CNTNAP2: variants seen among roughly 807,000 people sequenced by gnomAD.
The protein encoded by CNTNAP2 is contactin-associated protein-like 2.
CNTNAP2 carries 98 observed loss-of-function variants against 155.2 expected under a neutral mutation model. That is an observed-to-expected ratio of 0.63 (90% CI 0.54 to 0.75). The LOEUF (loss-of-function observed/expected upper bound fraction) is 0.75, where lower values mean the gene tolerates loss of function less well. Among genes scored for constraint, CNTNAP2 ranks in the 30% least tolerant of loss-of-function variants. The pLI is 0.00. For missense variants in CNTNAP2, 1,727 were observed against 1,688.1 expected (o/e 1.02, Z -0.40); for synonymous variants, 651 against 631.2 (o/e 1.03, Z -0.47).
At chr7:148,244,326 A>G (rs570346178) in intron 20 of CNTNAP2, among the ~76,000 whole-genome samples, 11 of 152,188 alleles carry the variant, frequency 7.2e-5, no homozygotes, top group African/African-American at 1.2e-4. Context: ...TTAGGTCACA[A>G]ATTAACTCTG....
intron 18 of CNTNAP2, among the ~76,000 whole-genome samples, chr7:148,204,226 G>A (rs934389066): frequency 4.6e-5 from 7 of 152,200 alleles, no homozygotes; most frequent in Non-Finnish European, 8.8e-5. Flanking sequence ...TCTAAAGAAG[G>A]CAGAAGGCTT....
At chr7:146,885,532 G>C (rs796074112) in intron 3 of CNTNAP2, among the ~76,000 whole-genome samples, 4 of 152,030 alleles carry the variant, frequency 2.6e-5, no homozygotes, top group Non-Finnish European at 5.9e-5. Flanking sequence ...ACTTCCTCTA[G>C]TTTGTCCTTA....
At chr7:146,888,495 T>G (rs1795713583) in intron 3 of CNTNAP2, among the ~76,000 whole-genome samples, 1 of 152,144 alleles carries the variant, frequency 6.6e-6, no homozygotes, top group East Asian at 1.9e-4. Context: ...AAAATTTAAA[T>G]TTAACTATAT....
intron 9 of CNTNAP2, among the ~76,000 whole-genome samples, chr7:147,309,143 A>C (rs1053226888): frequency 6.6e-6 from 1 of 152,188 alleles, no homozygotes; most frequent in African/African-American, 2.4e-5. Context: ...GGTAGAAAGT[A>C]AACTATTTAT....
At chr7:146,199,381 C>T (rs1036281315) in intron 1 of CNTNAP2, among the ~76,000 whole-genome samples, 2 of 151,994 alleles carry the variant, frequency 1.3e-5, no homozygotes, top group African/African-American at 4.8e-5. Flanking sequence ...TAGGAATGGG[C>T]CTGTAGGGAT....
chr7:148,013,453 G>C (rs1802117693), intron 15 of CNTNAP2, among the ~76,000 whole-genome samples: 1 of 152,126 alleles, frequency 6.6e-6, no homozygotes, highest in Non-Finnish European at 1.5e-5. Flanking sequence ...GGCTACCACA[G>C]TCCCAGGCAT....
At chr7:148,030,097 T>C (rs1218219916) in intron 15 of CNTNAP2, among the ~76,000 whole-genome samples, 1 of 152,178 alleles carries the variant, frequency 6.6e-6, no homozygotes, top group Non-Finnish European at 1.5e-5. Flanking sequence ...CAAGTTCTAG[T>C]CTAGTTGTTG....
chr7:146,463,781 G>A (rs1796674778), intron 1 of CNTNAP2, among the ~76,000 whole-genome samples: 1 of 151,720 alleles, frequency 6.6e-6, no homozygotes, highest in South Asian at 2.1e-4. Flanking sequence ...ATCAATACTA[G>A]ATTCTAATAT....
Position 146,502,224 on chromosome 7 carries a change from AATATATATATATATATAT to A in CNTNAP2, c.98-272028_98-272011del, listed in dbSNP as rs59759183. ...ATTCCATTGTGTGTGTATATATATG[AATATATATATATATATAT>A]ATATATATATATATATATGTCATAT... On this transcript the variant is annotated intron_variant, in intron 1 of 23. Coordinates refer to ENST00000361727, the MANE Select transcript of CNTNAP2 (RefSeq NM_014141.6). 3.0e-3 allele frequency among the ~76,000 whole-genome samples: 286 copies of A among 94,810 alleles called. 1 individual carries two copies. The highest frequency in any genetic ancestry group is 4.6e-3 in the Non-Finnish European group (231 of 50,200). The allele number at this position is 94,810 out of a possible 152,430, so 62.2% of individuals were successfully genotyped here. A position where few individuals can be genotyped will look rare whatever the true frequency, so the allele number is the denominator to read the frequency against.
At chr7:148,322,833 A>T in intron 21 of CNTNAP2, among the ~76,000 whole-genome samples, 1 of 140,162 alleles carries the variant, frequency 7.1e-6, no homozygotes, top group Non-Finnish European at 1.5e-5. Flanking sequence ...CTCACTTCTA[A>T]GTTTCATTCA....
At chr7:148,288,089 CTT>C (rs1395175521) in intron 21 of CNTNAP2, among the ~76,000 whole-genome samples, 1 of 137,954 alleles carries the variant, frequency 7.2e-6, no homozygotes, top group Admixed American at 7.4e-5. Context: ...CGCGCCCAAC[CTT>C]TTTTTTTTTC....
At chr7:146,450,487 C>T (rs1263337216) in intron 1 of CNTNAP2, among the ~76,000 whole-genome samples, 3 of 152,164 alleles carry the variant, frequency 2.0e-5, no homozygotes, top group South Asian at 2.1e-4. Flanking sequence ...TTATATGGGA[C>T]CTAACTTCCT....
At chr7:147,418,983 T>G (rs1481427571) in intron 10 of CNTNAP2, among the ~76,000 whole-genome samples, 1 of 152,184 alleles carries the variant, frequency 6.6e-6, no homozygotes, top group Admixed American at 6.5e-5. Context: ...AACGTACTCA[T>G]TATTAAACGG....
At position 147,037,452 on chromosome 7, in the gene CNTNAP2, T is replaced by C. The variant is rs71534732; in HGVS notation, c.403-6455T>C. ...TCGACATCCAGTTTTGTTTTTTTTT[T>C]CCCTTTTTTTTTTTTTTTTTTTTAT... On this transcript the variant is annotated intron_variant, in intron 3 of 23. Transcript: ENST00000361727. Among the ~76,000 whole-genome samples the C allele has an allele frequency of 9.2e-3, 1,103 of 119,290 alleles. 4 individuals carry two copies. Among genetic ancestry groups the C allele is most frequent in the Non-Finnish European group, 0.012 (635 of 53,122 alleles). The allele number at this position is 119,290 out of a possible 152,430, so 78.3% of individuals were successfully genotyped here.
chr7:147,664,043 A>G (rs1795657922), intron 13 of CNTNAP2, among the ~76,000 whole-genome samples: 1 of 152,246 alleles, frequency 6.6e-6, no homozygotes. Context: ...TTAACAGAGT[A>G]CTAAATTAAT....
intron 1 of CNTNAP2, among the ~76,000 whole-genome samples, chr7:146,307,999 C>G (rs1340816780): frequency 6.6e-6 from 1 of 152,088 alleles, no homozygotes; most frequent in Non-Finnish European, 1.5e-5. Context: ...AACTAAAGAG[C>G]TTCTGCACAG....
chr7:147,771,580 C>T (rs1797470192), intron 13 of CNTNAP2, among the ~76,000 whole-genome samples: 1 of 152,114 alleles, frequency 6.6e-6, no homozygotes, highest in Non-Finnish European at 1.5e-5. Context: ...ACATAGAGGC[C>T]ACAGGGGCAT....
rs35033097 is a variant in CNTNAP2 at position 146,395,826 on chromosome 7, GGAGAGA to G, written c.97+278878_97+278883del. Reference sequence around the variant, plus strand: ...ATAGATAGATAGATAGATAGATAGAGGAGAGAGAGAGAGAGAGAGAGAGAGAGAGAT... The same window carrying G: ...ATAGATAGATAGATAGATAGATAGAGGAGAGAGAGAGAGAGAGAGAGAGAT... On this transcript the variant is annotated intron_variant, in intron 1 of 23. Coordinates refer to ENST00000361727, the MANE Select transcript of CNTNAP2 (RefSeq NM_014141.6). 1.6e-3 allele frequency among the ~76,000 whole-genome samples: 187 copies of G among 116,834 alleles called. 1 individual carries two copies. The highest frequency in any genetic ancestry group is 4.9e-3 in the African/African-American group (167 of 33,850). The allele number at this position is 116,834 out of a possible 152,430, so 76.6% of individuals were successfully genotyped here.
intron 11 of CNTNAP2, 75 bp downstream of exon 11, chr7:147,486,116 C>G (rs1798506297): frequency 8.0e-7 from 1 of 1,255,262 alleles, no homozygotes; most frequent in South Asian, 1.2e-5. Context: ...CTTTGAAGCT[C>G]AGCAACCTGA....
Sources: gnomAD v4.1 joint callset for allele counts (sites outside exome capture counted in the v4.1 genomes callset) on GRCh38, gnomAD v4.1.1 for gene constraint, MANE v1.5 for transcripts, NCBI Gene and HGNC (gene_info 2026-07-23, HGNC 2026-07-21) for gene names.